CNTN6: variants seen among roughly 807,000 people sequenced by gnomAD.
CNTN6 encodes contactin-6.
A neutral mutation model predicts 122.8 loss-of-function variants in CNTN6; 137 were observed. The ratio of observed to expected loss-of-function variants is 1.12; its 90% CI spans 0.97 to 1.29. The LOEUF is 1.29. Ranked by LOEUF, CNTN6 falls within the 50% of genes most tolerant of loss-of-function variation. The pLI is 0.00. For synonymous variants in CNTN6, 570 were observed against 426.0 expected, an observed-to-expected ratio of 1.34 and a Z score of -4.16; for missense variants, 1,634 against 1,223.4, an observed-to-expected ratio of 1.34 and a Z score of -5.01.
At position 1,158,861 on chromosome 3, in the gene CNTN6, T is replaced by C. The variant is rs200346571; in HGVS notation, c.55+10798T>C. 7.4e-4 allele frequency among the ~76,000 whole-genome samples: 74 copies of C among 100,516 alleles called. 2 individuals carry two copies. Among genetic ancestry groups the C allele is most frequent in the African/African-American group, 2.2e-3 (44 of 19,770 alleles). The allele number at this position is 100,516 out of a possible 152,430, so 65.9% of individuals were successfully genotyped here. Reference sequence around the variant, plus strand: ...ACACATATATATACATACATATATATACACACATATATATACACATATATA... The same window carrying C: ...ACACATATATATACATACATATATACACACACATATATATACACATATATA... On this transcript the variant is annotated intron_variant, in intron 2 of 22. Coordinates refer to ENST00000446702, the MANE Select transcript of CNTN6 (RefSeq NM_001289080.2).
intron 11 of CNTN6, among the ~76,000 whole-genome samples, chr3:1,336,035 G>C (rs1703003025): frequency 7.0e-6 from 1 of 142,450 alleles, no homozygotes; most frequent in South Asian, 2.2e-4. Context: ...GGGTAACAGA[G>C]GGAGACCCTG....
At chr3:1,184,396 A>G (rs2093601469) in intron 2 of CNTN6, among the ~76,000 whole-genome samples, 3 of 152,202 alleles carry the variant, frequency 2.0e-5, no homozygotes, top group Admixed American at 6.5e-5. Context: ...TAACGCTCAT[A>G]TGATAGGATG....
intron 20 of CNTN6, among the ~76,000 whole-genome samples, chr3:1,388,459 G>A (rs1402909387): frequency 6.6e-6 from 1 of 151,608 alleles, no homozygotes; most frequent in Non-Finnish European, 1.5e-5. Context: ...CACAAAGATG[G>A]GGAAAAAACA....
At chr3:1,212,361 G>C (rs1451141358) in intron 2 of CNTN6, among the ~76,000 whole-genome samples, 2 of 149,178 alleles carry the variant, frequency 1.3e-5, no homozygotes, top group Non-Finnish European at 3.0e-5. Context: ...ACCATGCCCA[G>C]CCTCTCTAAT....
intron 1 of CNTN6, among the ~76,000 whole-genome samples, chr3:1,121,863 T>G (rs541029541): frequency 6.6e-6 from 1 of 152,046 alleles, no homozygotes; most frequent in South Asian, 2.1e-4. Flanking sequence ...TGTATTGCCT[T>G]TTCCTTCTTT....
intron 16 of CNTN6, among the ~76,000 whole-genome samples, chr3:1,376,788 A>C (rs1389910847): frequency 6.6e-6 from 1 of 152,124 alleles, no homozygotes; most frequent in Non-Finnish European, 1.5e-5. Context: ...TTTTTAATTA[A>C]TTTTGGAGCC....
intron 4 of CNTN6, among the ~76,000 whole-genome samples, chr3:1,231,561 CG>C (rs1167362158): frequency 6.6e-6 from 1 of 152,168 alleles, no homozygotes; most frequent in Non-Finnish European, 1.5e-5. Flanking sequence ...CATTATGAAT[CG>C]TCTCATCATG....
At chr3:1,094,572 T>G (rs2090421613) in intron 1 of CNTN6, among the ~76,000 whole-genome samples, 1 of 152,158 alleles carries the variant, frequency 6.6e-6, no homozygotes, top group African/African-American at 2.4e-5. Flanking sequence ...ATTACTTCCT[T>G]TGAATATTTG....
chr3:1,373,860 T>G (rs1709470590), intron 15 of CNTN6, 64 bp from the exon 16 acceptor site: 2 of 1,482,356 alleles, frequency 1.3e-6, no homozygotes, highest in Non-Finnish European at 1.8e-6. Flanking sequence ...ATTATATAAT[T>G]TTGTACAATT....
chr3:1,383,255 C>A, intron 18 of CNTN6, 38 bp from the exon 19 acceptor site: 3 of 1,593,454 alleles, frequency 1.9e-6, no homozygotes, highest in Non-Finnish European at 1.7e-6. Flanking sequence ...CAATGAACCA[C>A]TCTGCTAAAG....
At chr3:1,148,117 T>G (rs2092762175) in intron 2 of CNTN6, 54 bp downstream of exon 2, 2 of 1,375,286 alleles carry the variant, frequency 1.5e-6, no homozygotes, top group Non-Finnish European at 2.1e-6. Flanking sequence ...GGCATTGTAT[T>G]TCTTTCTATG....
At chr3:1,225,696 ATTGT>A (rs1343137371) in intron 3 of CNTN6, among the ~76,000 whole-genome samples, 3,630 of 141,096 alleles carry the variant, frequency 0.026, 135 homozygotes, top group African/African-American at 0.087. Context: ...GGGTTTTATT[ATTGT>A]TTTTTTTTTT....
chr3:1,218,242 G>A (rs1324803959), intron 2 of CNTN6, among the ~76,000 whole-genome samples: 1 of 152,032 alleles, frequency 6.6e-6, no homozygotes, highest in East Asian at 1.9e-4. Context: ...GGGTTCCATT[G>A]TTAGGGGAGG....
chr3:1,096,191 G>C (rs777188852), intron 1 of CNTN6, among the ~76,000 whole-genome samples: 1 of 152,042 alleles, frequency 6.6e-6, no homozygotes, highest in Non-Finnish European at 1.5e-5. Context: ...AGGTCTGTCT[G>C]CAATTTCCGT....
chr3:1,222,838 T>G (rs1183467147), intron 3 of CNTN6, among the ~76,000 whole-genome samples: 1 of 152,116 alleles, frequency 6.6e-6, no homozygotes, highest in Non-Finnish European at 1.5e-5. Flanking sequence ...TTATTTTTCC[T>G]GATCCTCTCT....
intron 20 of CNTN6, 147 bp downstream of exon 20, chr3:1,385,944 G>A (rs1029569247): frequency 1.5e-6 from 1 of 664,656 alleles, no homozygotes; most frequent in East Asian, 3.0e-5. Context: ...ATGGATACTT[G>A]TTGAAACCTT....
intron 2 of CNTN6, among the ~76,000 whole-genome samples, chr3:1,172,646 GTGTGTGTGTGT>G (rs2093379250): frequency 6.6e-6 from 1 of 151,642 alleles, no homozygotes; most frequent in African/African-American, 2.4e-5. Flanking sequence ...GTGTGTGTGT[GTGTGTGTGTGT>G]GTATCACAAC....
chr3:1,176,534 G>A (rs2125319709), intron 2 of CNTN6, among the ~76,000 whole-genome samples: 1 of 152,252 alleles, frequency 6.6e-6, no homozygotes, highest in Non-Finnish European at 1.5e-5. Context: ...AAGATACGAG[G>A]CAAACTAGGG....
At chr3:1,116,737 C>G (rs2091735408) in intron 1 of CNTN6, among the ~76,000 whole-genome samples, 1 of 134,900 alleles carries the variant, frequency 7.4e-6, no homozygotes, top group African/African-American at 2.8e-5. Context: ...CAGGGTCTTG[C>G]TCTGTCGCCC....
Sources: gnomAD v4.1 joint callset for allele counts (sites outside exome capture counted in the v4.1 genomes callset) on GRCh38, gnomAD v4.1.1 for gene constraint, MANE v1.5 for transcripts, NCBI Gene and HGNC (gene_info 2026-07-23, HGNC 2026-07-21) for gene names.